The following ITSN2 variants were observed in gnomAD, a reference collection of about 807,000 sequenced individuals.
ITSN2 encodes intersectin 2.
In ITSN2, 156 loss-of-function variants were observed where a neutral mutation model predicts 243.7. The ratio of observed to expected loss-of-function variants is 0.64; its 90% CI spans 0.56 to 0.73. ITSN2 has a LOEUF of 0.73. Among genes scored for constraint, ITSN2 ranks in the 30% least tolerant of loss-of-function variants. The probability of loss-of-function intolerance (pLI) is 0.00; values close to 1 mark genes in which losing one functional copy is unlikely to be tolerated. For missense variants in ITSN2, 1,801 were observed against 1,996.1 expected (o/e 0.90, Z 1.86); for synonymous variants, 703 against 699.9 (o/e 1.00, Z -0.07).
chr2:24,298,714 A>T lies in ITSN2; in HGVS notation c.1445T>A (p.Val482Asp), dbSNP rs766717134. 1.1e-5 allele frequency: 18 copies of T among 1,612,524 alleles called. No homozygotes were observed. In the Admixed American group the frequency reaches 2.3e-4, roughly 21 times the overall value. ...NQKNREQEEI[V>D]RLNSKKKNLH... ...ATTCTTCTTTTTAGAGTTTAACCTG[A>T]CAATTTCTTCTTGTTCTCTATTCTT... is the stretch of plus-strand genomic sequence containing the variant. Residue 482 changes from valine to aspartate, a missense_variant, in exon 13 of 40, where the codon GTC becomes GAC. This residue lies in a region of ITSN2 where 787 missense variants were observed against 803.9 expected (regional missense o/e 0.98). Transcript: ENST00000355123.
intron 23 of ITSN2, 109 bp from the exon 24 acceptor site, chr2:24,254,540 T>C (rs990171695): frequency 2.7e-6 from 2 of 738,310 alleles, no homozygotes; most frequent in African/African-American, 3.5e-5. Context: ...TAGGGCTTTC[T>C]CAAATTAAAT....
At chr2:24,350,477 G>C (rs1195410143) in intron 1 of ITSN2, among the ~76,000 whole-genome samples, 3 of 152,118 alleles carry the variant, frequency 2.0e-5, no homozygotes, top group Non-Finnish European at 4.4e-5. Flanking sequence ...CCCTCAGTAT[G>C]AACCCAAGAT....
chr2:24,340,395 C>T (rs1210254248), intron 1 of ITSN2, among the ~76,000 whole-genome samples: 1 of 151,758 alleles, frequency 6.6e-6, no homozygotes, highest in African/African-American at 2.4e-5. Flanking sequence ...GCAGGAGAAT[C>T]GCTTGAACCC....
intron 25 of ITSN2, 57 bp from the exon 26 acceptor site, chr2:24,248,939 TATAA>T: frequency 6.6e-7 from 1 of 1,508,550 alleles, no homozygotes; most frequent in Non-Finnish European, 9.2e-7. Context: ...AATGTAAAAG[TATAA>T]AGGTTAATGG....
In ITSN2 at chr2:24,275,826, T is replaced by C. The variant is rs1199922641; in HGVS notation, c.1968A>G (p.Thr656=). The stretch of plus-strand genomic sequence containing the variant: ...AAAGCTGTTCAAGGGCTAACTGCTG[T>C]GTGTTGTAGGTTTCTCTCAGTTCCT... ...LLKELRETYN[T]QQLALEQLYK... The change falls in exon 18 of 40, where the codon ACA becomes ACG. Residue 656 remains threonine (T), a synonymous_variant. Coordinates refer to ENST00000355123, the MANE Select transcript of ITSN2 (RefSeq NM_006277.3). The C allele has an allele frequency of 7.5e-6, 12 of 1,610,094 alleles. No homozygotes were observed. The highest frequency in any genetic ancestry group is 6.7e-5 in the South Asian group (6 of 90,030).
At chr2:24,297,963 G>A (rs1213710190) in intron 13 of ITSN2, among the ~76,000 whole-genome samples, 1 of 151,828 alleles carries the variant, frequency 6.6e-6, no homozygotes, top group African/African-American at 2.4e-5. Context: ...ATTCACGAGA[G>A]ATTTTAAAAC....
chr2:24,267,495 C>A (rs541160656), intron 20 of ITSN2, among the ~76,000 whole-genome samples: 1 of 151,970 alleles, frequency 6.6e-6, no homozygotes, highest in African/African-American at 2.4e-5. Flanking sequence ...ACATTTACCA[C>A]ATTTACTTAC....
intron 1 of ITSN2, among the ~76,000 whole-genome samples, chr2:24,351,061 G>A (rs1166193118): frequency 6.6e-6 from 1 of 152,032 alleles, no homozygotes; most frequent in East Asian, 1.9e-4. Context: ...AGGTGTTTTA[G>A]GCTCTATCTT....
intron 29 of ITSN2, among the ~76,000 whole-genome samples, chr2:24,242,815 C>T (rs947547355): frequency 2.0e-5 from 3 of 152,104 alleles, no homozygotes; most frequent in Non-Finnish European, 4.4e-5. Context: ...AAGCCTTTAG[C>T]CATTCATTTA....
rs554100042 is a variant in ITSN2, at chr2:24,209,988, G to T, written c.4303C>A (p.Leu1435Ile). The T allele has an allele frequency of 1.1e-5, 17 of 1,614,152 alleles. No individual in the cohort carries two copies. The highest frequency in any genetic ancestry group is 3.3e-4 in the Middle Eastern group (2 of 6,062). The stretch of plus-strand genomic sequence containing the variant: ...TTGTATAATTTCCCACTGTGTAAGA[G>T]CTTCCGGGGCCCCAGGCAGTTGGTG... ...SLTNCLGPRK[L>I]LHSGKLYKTK... The change falls in exon 35 of 40, where the codon CTC becomes ATC. Residue 1435 changes from leucine (L) to isoleucine (I), a missense_variant. This residue lies in a region of ITSN2 where 928 missense variants were observed against 1,065.4 expected (regional missense o/e 0.87). Coordinates refer to ENST00000355123, the MANE Select transcript of ITSN2 (RefSeq NM_006277.3).
chr2:24,275,274 A>T (rs1677873321), intron 18 of ITSN2, among the ~76,000 whole-genome samples: 1 of 152,224 alleles, frequency 6.6e-6, no homozygotes, highest in South Asian at 2.1e-4. Context: ...GCTGGCCTTG[A>T]ACTCCTGGGC....
chr2:24,283,154 C>T (rs1450092654), intron 17 of ITSN2, among the ~76,000 whole-genome samples: 1 of 152,092 alleles, frequency 6.6e-6, no homozygotes, highest in African/African-American at 2.4e-5. Flanking sequence ...CTGCTTATCA[C>T]TCAAGTGAAA....
chr2:24,275,101 C>CA (rs1444660807), intron 18 of ITSN2, among the ~76,000 whole-genome samples: 2 of 152,290 alleles, frequency 1.3e-5, no homozygotes, highest in African/African-American at 4.8e-5. Flanking sequence ...TTACTATATA[C>CA]AATTAAGTAT....
intron 29 of ITSN2, among the ~76,000 whole-genome samples, chr2:24,243,465 C>A (rs557255002): frequency 1.1e-5 from 1 of 89,842 alleles, no homozygotes; most frequent in South Asian, 4.1e-4. Flanking sequence ...GACGATTATT[C>A]TTTTTCTTCT....
intron 32 of ITSN2, among the ~76,000 whole-genome samples, chr2:24,213,814 GTTCAT>G (rs1669717755): frequency 6.6e-6 from 1 of 152,122 alleles, no homozygotes; most frequent in Admixed American, 6.5e-5. Context: ...GTTTCTTCCA[GTTCAT>G]TTCGAGGCAA....
At chr2:24,268,161 A>G (rs1364328213) in intron 20 of ITSN2, among the ~76,000 whole-genome samples, 1 of 152,244 alleles carries the variant, frequency 6.6e-6, no homozygotes, top group Non-Finnish European at 1.5e-5. Context: ...GAAGGCTAGA[A>G]AAACATTTCA....
chr2:24,320,749 A>C (rs1167402853), intron 2 of ITSN2, among the ~76,000 whole-genome samples: 2 of 151,522 alleles, frequency 1.3e-5, no homozygotes, highest in Admixed American at 6.6e-5. Context: ...AAAAAAAAAA[A>C]ACAAAAAAAC....
chr2:24,329,547 AC>A (rs1422029452), intron 1 of ITSN2, among the ~76,000 whole-genome samples: 5 of 152,178 alleles, frequency 3.3e-5, no homozygotes, highest in African/African-American at 9.7e-5. Context: ...TGCTGGGATT[AC>A]AGGCCACTGT....
intron 1 of ITSN2, among the ~76,000 whole-genome samples, chr2:24,330,130 A>G (rs551859236): frequency 6.6e-6 from 1 of 152,218 alleles, no homozygotes; most frequent in Non-Finnish European, 1.5e-5. Flanking sequence ...ATAGCATGTG[A>G]ATTATAAAGA....
Sources: gnomAD v4.1 joint callset for allele counts (sites outside exome capture counted in the v4.1 genomes callset) on GRCh38, gnomAD v4.1.1 for gene constraint, gnomAD v4.1.1 regional missense constraint, MANE v1.5 for transcripts, NCBI Gene and HGNC (gene_info 2026-07-23, HGNC 2026-07-21) for gene names.